Variants in INO80 observed in about 807,000 individuals in gnomAD.
INO80 encodes the protein chromatin-remodeling ATPase INO80.
Under a neutral mutation model 203.4 loss-of-function variants are expected in INO80, and 20 were observed. The ratio of observed to expected loss-of-function variants is 0.10; its 90% CI spans 0.07 to 0.14. INO80 has a LOEUF of 0.14. Among genes scored for constraint, INO80 ranks in the 10% least tolerant of loss-of-function variants. INO80 has a pLI of 1.00. For missense variants in INO80, 1,419 were observed against 1,914.4 expected (o/e 0.74, Z 4.83); for synonymous variants, 726 against 685.2 (o/e 1.06, Z -0.93).
Position 41,072,039 on chromosome 15 carries a change from T to C in INO80, c.1415A>G (p.Asp472Gly), listed in dbSNP as rs1365538622. The change falls in exon 12 of 36, where the codon GAT (aspartate) becomes GGT (glycine). Residue 472 changes from aspartate to glycine, a missense_variant. Transcript: ENST00000648947. The stretch of plus-strand genomic sequence containing the variant: ...GGCAGCTGCTCGACTTTCTTTTGCA[T>C]CTTCATCAAATGACCTTGTCTGGAA... ...HQARTRSFDEDAKESRAAALR... is the reference protein window; with the variant it reads ...HQARTRSFDEGAKESRAAALR... 1.3e-6 allele frequency: 2 copies of C among 1,579,814 alleles called. No individual in the cohort carries two copies. Among genetic ancestry groups the C allele is most frequent in the African/African-American group, 2.8e-5 (2 of 71,112 alleles).
intron 5 of INO80, among the ~76,000 whole-genome samples, chr15:41,091,668 T>G (rs995538613): frequency 1.4e-5 from 2 of 146,476 alleles, no homozygotes; most frequent in Non-Finnish European, 3.0e-5. Flanking sequence ...TTTTTTTTTT[T>G]TTTTTGAGAC....
At chr15:41,032,335 A>C (rs1005478521) in intron 24 of INO80, among the ~76,000 whole-genome samples, 12 of 152,216 alleles carry the variant, frequency 7.9e-5, no homozygotes, top group Non-Finnish European at 5.9e-5. Flanking sequence ...CAGTGTTGAT[A>C]AATCAGCTCT....
At chr15:40,980,468 T>G in intron 35 of INO80, 28 bp from the exon 36 acceptor site, 1 of 1,556,122 alleles carries the variant, frequency 6.4e-7, no homozygotes. Context: ...GACAAGAACG[T>G]AAGCACCAGT....
chr15:41,001,848 G>A (rs2043963601), intron 28 of INO80, among the ~76,000 whole-genome samples: 1 of 152,180 alleles, frequency 6.6e-6, no homozygotes, highest in African/African-American at 2.4e-5. Flanking sequence ...AGTTGAAACT[G>A]CAATTTTTTC....
chr15:41,059,982 G>A, intron 14 of INO80, 56 bp from the exon 15 acceptor site: 1 of 1,141,012 alleles, frequency 8.8e-7, no homozygotes, highest in Non-Finnish European at 1.3e-6. Context: ...AAAAGTATTA[G>A]AACAAATATA....
At chr15:41,098,767 G>T (rs1177777542) in intron 1 of INO80, among the ~76,000 whole-genome samples, 1 of 152,050 alleles carries the variant, frequency 6.6e-6, no homozygotes, top group Non-Finnish European at 1.5e-5. Context: ...TTACACAGTT[G>T]TTTGTCAGTG....
intron 19 of INO80, among the ~76,000 whole-genome samples, chr15:41,053,478 G>A (rs2044922408): frequency 6.6e-6 from 1 of 152,144 alleles, no homozygotes; most frequent in South Asian, 2.1e-4. Flanking sequence ...GACTAGATAC[G>A]TGATGCTATC....
intron 28 of INO80, among the ~76,000 whole-genome samples, chr15:41,000,969 T>G (rs1176634164): frequency 1.3e-5 from 2 of 152,158 alleles, no homozygotes; most frequent in Non-Finnish European, 2.9e-5. Flanking sequence ...AATGTAATTT[T>G]ATCATATTGT....
intron 10 of INO80, among the ~76,000 whole-genome samples, chr15:41,073,727 C>T (rs544308369): frequency 2.0e-5 from 3 of 152,160 alleles, no homozygotes; most frequent in South Asian, 2.1e-4. Context: ...AAAAACATCA[C>T]GGCACTGCCT....
intron 11 of INO80, 54 bp downstream of exon 11, chr15:41,073,374 T>C: frequency 7.1e-7 from 1 of 1,406,688 alleles, no homozygotes; most frequent in East Asian, 2.3e-5. Flanking sequence ...AAGTAAAGGC[T>C]TGTGGGGTAT....
chr15:41,091,895 GC>G, intron 5 of INO80, 131 bp downstream of exon 5: 1 of 616,092 alleles, frequency 1.6e-6, no homozygotes, highest in East Asian at 2.7e-5. Flanking sequence ...CTCATGATCC[GC>G]CCGCCTCGTC....
chr15:41,010,554 A>G (rs1431598519), intron 27 of INO80, among the ~76,000 whole-genome samples: 1 of 152,136 alleles, frequency 6.6e-6, no homozygotes, highest in African/African-American at 2.4e-5. Flanking sequence ...GATTGGTTCC[A>G]GAGTCCATGG....
chr15:41,052,539 G>A (rs796886613), intron 19 of INO80, among the ~76,000 whole-genome samples: 42 of 151,976 alleles, frequency 2.8e-4, no homozygotes, highest in African/African-American at 1.0e-3. Context: ...CAGGTGTGGT[G>A]GTGTACACCT....
intron 24 of INO80, among the ~76,000 whole-genome samples, chr15:41,042,371 T>A (rs979073965): frequency 2.6e-5 from 4 of 152,124 alleles, no homozygotes; most frequent in Admixed American, 2.6e-4. Context: ...AGGCTGGTCT[T>A]GAACTCCTGG....
intron 14 of INO80, among the ~76,000 whole-genome samples, chr15:41,061,506 G>C (rs917592973): frequency 6.9e-6 from 1 of 145,746 alleles, no homozygotes; most frequent in Non-Finnish European, 1.5e-5. Flanking sequence ...ACCTGTAGTC[G>C]CAACTATTCG....
At chr15:41,070,131 C>T (rs895968779) in intron 13 of INO80, among the ~76,000 whole-genome samples, 1 of 152,126 alleles carries the variant, frequency 6.6e-6, no homozygotes, top group Admixed American at 6.5e-5. Flanking sequence ...GAAAAAGAGG[C>T]TAAATTGCCC....
At chr15:41,064,789 G>T (rs2045179975) in intron 14 of INO80, among the ~76,000 whole-genome samples, 1 of 152,102 alleles carries the variant, frequency 6.6e-6, no homozygotes, top group Non-Finnish European at 1.5e-5. Context: ...TTGAGCTCAG[G>T]AATTTGAGAC....
chr15:41,064,725 G>C (rs2045178301), intron 14 of INO80, among the ~76,000 whole-genome samples: 1 of 152,192 alleles, frequency 6.6e-6, no homozygotes, highest in African/African-American at 2.4e-5. Flanking sequence ...GGCTGGGCAT[G>C]GTGGCTAACG....
intron 25 of INO80, among the ~76,000 whole-genome samples, chr15:41,023,788 A>AC (rs2044333310): frequency 6.9e-6 from 1 of 145,450 alleles, no homozygotes; most frequent in African/African-American, 2.6e-5. Context: ...AAAAAACAAA[A>AC]CAAAACGAAA....
Sources: allele counts gnomAD v4.1 joint callset (sites outside exome capture counted in the v4.1 genomes callset), GRCh38; gene constraint gnomAD v4.1.1; transcripts MANE v1.5; gene names NCBI Gene and HGNC (gene_info 2026-07-23, HGNC 2026-07-21).